The following GRIP1 variants were observed in gnomAD, a reference collection of about 807,000 sequenced individuals.
GRIP1 encodes the protein glutamate receptor interacting protein 1.
Under a neutral mutation model 129.9 loss-of-function variants are expected in GRIP1, and 45 were observed. That is an observed-to-expected ratio of 0.35 (90% CI 0.27 to 0.44). GRIP1 has a LOEUF of 0.44. Among genes scored for constraint, GRIP1 ranks in the 20% least tolerant of loss-of-function variants. The pLI is 1.00. For missense variants in GRIP1, 1,196 were observed against 1,396.8 expected, an observed-to-expected ratio of 0.86 and a Z score of 2.29; for synonymous variants, 530 against 520.8, an observed-to-expected ratio of 1.02 and a Z score of -0.24.
At chr12:66,388,553 T>C (rs915908187) in intron 19 of GRIP1, among the ~76,000 whole-genome samples, 6 of 152,122 alleles carry the variant, frequency 3.9e-5, no homozygotes, top group African/African-American at 1.4e-4. Context: ...GAAGAATTAA[T>C]AAGATGCAAG....
At chr12:66,551,203 G>C (rs2062116273) in intron 2 of GRIP1, among the ~76,000 whole-genome samples, 1 of 152,164 alleles carries the variant, frequency 6.6e-6, no homozygotes, top group Non-Finnish European at 1.5e-5. Context: ...CTGTGGTAGA[G>C]GCTAGTATTT....
At chr12:66,732,569 A>C (rs953671033) in intron 1 of GRIP1, among the ~76,000 whole-genome samples, 26 of 152,036 alleles carry the variant, frequency 1.7e-4, no homozygotes, top group Non-Finnish European at 2.4e-4. Flanking sequence ...CAAAAAAAAA[A>C]CAAAAGAATG....
chr12:66,524,760 C>T (rs1323111458), intron 5 of GRIP1, among the ~76,000 whole-genome samples: 3 of 151,914 alleles, frequency 2.0e-5, no homozygotes, highest in African/African-American at 4.8e-5. Context: ...TTGAAAAGAT[C>T]AACAAAATTG....
At chr12:67,031,976 C>T (rs1041806666) in intron 1 of GRIP1, among the ~76,000 whole-genome samples, 4 of 152,118 alleles carry the variant, frequency 2.6e-5, no homozygotes, top group Non-Finnish European at 5.9e-5. Flanking sequence ...CATGCTGTTC[C>T]CTTTGTTTTG....
intron 2 of GRIP1, among the ~76,000 whole-genome samples, chr12:66,546,923 A>C (rs949563174): frequency 9.2e-5 from 14 of 152,338 alleles, no homozygotes; most frequent in East Asian, 5.8e-4. Context: ...ACTTCATCAA[A>C]ATTAAAAATG....
At chr12:66,949,140 T>C (rs1335189051) in intron 1 of GRIP1, among the ~76,000 whole-genome samples, 1 of 152,184 alleles carries the variant, frequency 6.6e-6, no homozygotes, top group Non-Finnish European at 1.5e-5. Flanking sequence ...TTAAATTTTG[T>C]TGAGAATGTT....
chr12:67,051,068 T>C (rs2043338317), intron 1 of GRIP1, among the ~76,000 whole-genome samples: 1 of 152,096 alleles, frequency 6.6e-6, no homozygotes, highest in African/African-American at 2.4e-5. Flanking sequence ...GCAGAAGACA[T>C]TCAAAGATGT....
chr12:66,843,731 T>G (rs779227943), intron 1 of GRIP1, among the ~76,000 whole-genome samples: 3 of 152,058 alleles, frequency 2.0e-5, no homozygotes, highest in Non-Finnish European at 4.4e-5. Flanking sequence ...ACAAATAACA[T>G]TGGGAAAACA....
At chr12:66,604,643 A>G (rs1483413988) in intron 1 of GRIP1, among the ~76,000 whole-genome samples, 3 of 152,238 alleles carry the variant, frequency 2.0e-5, no homozygotes. Context: ...TGACATTTTC[A>G]GTCTCTCATA....
chr12:66,928,079 C>T (rs2137390861), intron 1 of GRIP1, among the ~76,000 whole-genome samples: 1 of 152,338 alleles, frequency 6.6e-6, no homozygotes, highest in Non-Finnish European at 1.5e-5. Flanking sequence ...TGGAGCAAGG[C>T]ACTGTCTGCG....
At chr12:66,688,338 CTGTGA>C (rs1031230748) in intron 1 of GRIP1, among the ~76,000 whole-genome samples, 10 of 152,154 alleles carry the variant, frequency 6.6e-5, no homozygotes, top group Admixed American at 6.6e-5. Context: ...CACTGGGCTG[CTGTGA>C]TGATCAAATT....
intron 1 of GRIP1, among the ~76,000 whole-genome samples, chr12:66,669,155 G>A (rs1166038735): frequency 2.0e-5 from 3 of 152,126 alleles, no homozygotes; most frequent in Admixed American, 6.5e-5. Flanking sequence ...GCTCACACCT[G>A]TAATCCCAGC....
At chr12:66,353,353 A>T (rs2054325723) in intron 24 of GRIP1, 64 bp downstream of exon 24, 2 of 1,108,612 alleles carry the variant, frequency 1.8e-6, no homozygotes, top group Admixed American at 3.4e-5. Flanking sequence ...ATGCAGGAGG[A>T]TGTGGAGGAA....
At chr12:66,749,674 A>G (rs2037063912) in intron 1 of GRIP1, among the ~76,000 whole-genome samples, 1 of 152,130 alleles carries the variant, frequency 6.6e-6, no homozygotes, top group South Asian at 2.1e-4. Flanking sequence ...CCCTGCAGCA[A>G]CTGGATGTGA....
At chr12:66,986,586 C>A (rs1395137506) in intron 1 of GRIP1, among the ~76,000 whole-genome samples, 1 of 148,750 alleles carries the variant, frequency 6.7e-6, no homozygotes, top group Non-Finnish European at 1.5e-5. Flanking sequence ...GGACAAAAAA[C>A]CAAACACCGC....
intron 1 of GRIP1, among the ~76,000 whole-genome samples, chr12:66,655,175 C>A (rs2033067691): frequency 1.3e-5 from 2 of 152,206 alleles, no homozygotes; most frequent in Admixed American, 1.3e-4. Context: ...CAAGAGGCAA[C>A]CACTATCCCC....
At chr12:66,723,300 C>T (rs1006387836) in intron 1 of GRIP1, among the ~76,000 whole-genome samples, 41 of 42,512 alleles carry the variant, frequency 9.6e-4, no homozygotes, top group Non-Finnish European at 1.3e-3. Flanking sequence ...TTCTTTCTTT[C>T]TTTCTTTTTT....
At chr12:66,994,560 T>A (rs1446284144) in intron 1 of GRIP1, among the ~76,000 whole-genome samples, 1 of 151,674 alleles carries the variant, frequency 6.6e-6, no homozygotes, top group East Asian at 1.9e-4. Flanking sequence ...ATACTTGCAA[T>A]AAGGAATCTG....
At chr12:66,497,981 G>C (rs2060281656) in intron 7 of GRIP1, among the ~76,000 whole-genome samples, 1 of 151,602 alleles carries the variant, frequency 6.6e-6, no homozygotes, top group South Asian at 2.1e-4. Context: ...TCCTTTTCCT[G>C]GCTCATCCTG....
Sources: allele counts gnomAD v4.1 joint callset (sites outside exome capture counted in the v4.1 genomes callset), GRCh38; gene constraint gnomAD v4.1.1; transcripts MANE v1.5; gene names NCBI Gene and HGNC (gene_info 2026-07-23, HGNC 2026-07-21).